SNX29: variants seen among roughly 807,000 people sequenced by gnomAD.
The protein encoded by SNX29 is sorting nexin 29, also known as sorting nexin-29.
In SNX29, 78 loss-of-function variants were observed where a neutral mutation model predicts 102.1. The observed-to-expected ratio is 0.76, with a 90% CI of 0.64 to 0.92. SNX29 has a LOEUF of 0.92. SNX29 is among the 40% of genes least tolerant of loss of function. The pLI is 0.00. For synonymous variants in SNX29, 580 were observed against 414.5 expected (o/e 1.40, Z -4.85); for missense variants, 1,280 against 1,061.7 (o/e 1.21, Z -2.86).
chr16:12,078,965 C>A (rs762860925), intron 11 of SNX29, 50 bp downstream of exon 11: 2 of 1,488,196 alleles, frequency 1.3e-6, no homozygotes, highest in African/African-American at 1.4e-5. Context: ...ACTTCTGGCC[C>A]ACGTCTCATG....
At chr16:12,318,541 C>G (rs1411341935) in intron 15 of SNX29, among the ~76,000 whole-genome samples, 2 of 152,136 alleles carry the variant, frequency 1.3e-5, no homozygotes, top group Non-Finnish European at 2.9e-5. Context: ...GAGCAACTCA[C>G]AGGTAGAACC....
chr16:12,263,087 C>G (rs2142519918), intron 14 of SNX29, among the ~76,000 whole-genome samples: 1 of 151,812 alleles, frequency 6.6e-6, no homozygotes. Context: ...TATTAACTGA[C>G]ATTGTTATTA....
chr16:12,086,298 C>G (rs1036781634), intron 11 of SNX29, among the ~76,000 whole-genome samples: 8 of 152,168 alleles, frequency 5.3e-5, no homozygotes, highest in Admixed American at 2.0e-4. Context: ...GCCACCGCGC[C>G]TGGCCACGCT....
intron 14 of SNX29, among the ~76,000 whole-genome samples, chr16:12,245,039 CAT>C (rs1231143518): frequency 5.3e-5 from 8 of 152,212 alleles, no homozygotes; most frequent in Non-Finnish European, 5.9e-5. Context: ...TCTGAAAGGG[CAT>C]AGTTTTCTTA....
rs146597629 is a variant in SNX29, at chr16:12,440,173, C to T, written c.2037+36644C>T. The stretch of plus-strand genomic sequence containing the variant: ...TCAGCACCTGTCACATCCTCCCTCC[C>T]CTTGCCTTGAGCTTCAGCCTTCTCT... On this transcript the variant is annotated intron_variant, in intron 18 of 20. Transcript: ENST00000566228. Among the ~76,000 whole-genome samples, 1,287 of 152,304 alleles carry T rather than the reference C, an allele frequency of 8.5e-3. 21 individuals carry two copies. The highest frequency in any genetic ancestry group is 0.029 in the African/African-American group (1,222 of 41,566).
At chr16:12,548,425 G>T (rs774196186) in intron 20 of SNX29, among the ~76,000 whole-genome samples, 6 of 152,174 alleles carry the variant, frequency 3.9e-5, no homozygotes, top group Non-Finnish European at 8.8e-5. Flanking sequence ...GCTCCCCACT[G>T]TGCCACATCC....
Position 12,027,182 on chromosome 16 carries a change from G to A in SNX29, c.123-138G>A, listed in dbSNP as rs907781204. The A allele has an allele frequency of 4.8e-5, 48 of 994,298 alleles. No individual in the cohort carries two copies. In the African/African-American group the frequency reaches 7.2e-4, roughly 15 times the overall value. The allele number at this position is 994,298 out of a possible 1,614,324, so 61.6% of individuals were successfully genotyped here. On this transcript the variant is annotated intron_variant, in intron 3 of 20. Coordinates refer to ENST00000566228, the MANE Select transcript of SNX29 (RefSeq NM_032167.5). ...GTGGCGCAGGTCAGTTACCAAGCCTGCACATCCAGGTGTCTCCTGTCTGCC... is the reference window on the plus strand; with the variant it reads ...GTGGCGCAGGTCAGTTACCAAGCCTACACATCCAGGTGTCTCCTGTCTGCC...
At chr16:12,438,408 A>C (rs1371442593) in intron 18 of SNX29, among the ~76,000 whole-genome samples, 2 of 150,454 alleles carry the variant, frequency 1.3e-5, no homozygotes, top group South Asian at 2.1e-4. Flanking sequence ...CACCCAGTTT[A>C]CCTCTCCCCT....
intron 15 of SNX29, among the ~76,000 whole-genome samples, chr16:12,301,827 A>G (rs2151100240): frequency 6.6e-6 from 1 of 152,306 alleles, no homozygotes; most frequent in East Asian, 1.9e-4. Flanking sequence ...ACAGAGAAAG[A>G]AAGATTTTAA....
intron 14 of SNX29, among the ~76,000 whole-genome samples, chr16:12,216,250 C>A (rs1332348388): frequency 1.3e-5 from 2 of 152,130 alleles, no homozygotes; most frequent in Admixed American, 1.3e-4. Flanking sequence ...ATATATTTTT[C>A]CGAGTAGGTA....
chr16:12,239,140 T>C (rs538017732), intron 14 of SNX29, among the ~76,000 whole-genome samples: 2 of 152,320 alleles, frequency 1.3e-5, no homozygotes, highest in Non-Finnish European at 2.9e-5. Context: ...ATGGCCTTTC[T>C]GAATAGGGCT....
intron 10 of SNX29, among the ~76,000 whole-genome samples, chr16:12,070,616 T>C (rs1339465765): frequency 2.6e-5 from 4 of 151,784 alleles, no homozygotes; most frequent in Non-Finnish European, 5.9e-5. Context: ...TTTGCTATTG[T>C]GAATAGTGCC....
chr16:12,386,617 G>A (rs1161444443), intron 16 of SNX29, among the ~76,000 whole-genome samples: 1 of 152,180 alleles, frequency 6.6e-6, no homozygotes, highest in Non-Finnish European at 1.5e-5. Context: ...TTCCAGAGAA[G>A]GAGTCTGCTA....
intron 14 of SNX29, among the ~76,000 whole-genome samples, chr16:12,252,298 C>T (rs2078444960): frequency 1.3e-5 from 2 of 151,914 alleles, no homozygotes; most frequent in Admixed American, 6.6e-5. Context: ...AATCCCCTGG[C>T]TGGAAGCTGG....
chr16:12,555,689 C>A (rs780458877), intron 20 of SNX29, among the ~76,000 whole-genome samples: 1 of 152,070 alleles, frequency 6.6e-6, no homozygotes, highest in Non-Finnish European at 1.5e-5. Context: ...AATAAGCCTT[C>A]CGATACTCTA....
At chr16:12,545,730 G>C (rs2077567493) in intron 20 of SNX29, 1 of 152,272 alleles carries the variant, frequency 6.6e-6, no homozygotes, top group African/African-American at 2.4e-5. Flanking sequence ...AGGTCACCAT[G>C]AAGCCTTCAG....
chr16:12,151,028 A>G (rs1196355105), intron 13 of SNX29, among the ~76,000 whole-genome samples: 3 of 152,166 alleles, frequency 2.0e-5, no homozygotes, highest in African/African-American at 7.2e-5. Context: ...AAATGTTAAT[A>G]TGTTTGTTTC....
At chr16:12,546,010 CAG>C (rs1161992799) in intron 20 of SNX29, among the ~76,000 whole-genome samples, 5 of 152,132 alleles carry the variant, frequency 3.3e-5, no homozygotes, top group Admixed American at 2.6e-4. Context: ...ATGCCAAAAA[CAG>C]AAAACAAAAA....
At chr16:12,337,918 C>G (rs369768327) in intron 15 of SNX29, among the ~76,000 whole-genome samples, 2 of 152,168 alleles carry the variant, frequency 1.3e-5, no homozygotes, top group Admixed American at 6.5e-5. Context: ...AGCCGAGGAA[C>G]GGTCGGGTGA....
Sources: gnomAD v4.1 joint callset for allele counts (sites outside exome capture counted in the v4.1 genomes callset) on GRCh38, gnomAD v4.1.1 for gene constraint, MANE v1.5 for transcripts, NCBI Gene and HGNC (gene_info 2026-07-23, HGNC 2026-07-21) for gene names.